PGR: variants seen among roughly 807,000 people sequenced by gnomAD.
PGR encodes nuclear receptor subfamily 3 group C member 3.
In PGR, 25 loss-of-function variants were observed where a neutral mutation model predicts 76.1. The observed-to-expected ratio is 0.33, with a 90% CI of 0.24 to 0.46. The LOEUF is 0.46. PGR is among the 20% of genes least tolerant of loss of function. The probability of loss-of-function intolerance (pLI) is 1.00; values close to 1 mark genes in which losing one functional copy is unlikely to be tolerated. For synonymous variants in PGR, 579 were observed against 535.0 expected, an observed-to-expected ratio of 1.08 and a Z score of -1.14; for missense variants, 1,172 against 1,225.3, an observed-to-expected ratio of 0.96 and a Z score of 0.65.
intron 3 of PGR, among the ~76,000 whole-genome samples, chr11:101,090,694 C>G (rs897008578): frequency 6.6e-6 from 1 of 152,210 alleles, no homozygotes; most frequent in Non-Finnish European, 1.5e-5. Context: ...GCACTACTGT[C>G]AACCTAATCA....
At chr11:101,041,396 G>A (rs1859689233) in intron 7 of PGR, among the ~76,000 whole-genome samples, 1 of 152,014 alleles carries the variant, frequency 6.6e-6, no homozygotes, top group Admixed American at 6.6e-5. Context: ...CTGGTGTTGG[G>A]CATTTCTTGT....
chr11:101,129,694 A>G lies in PGR; in HGVS notation c.-624T>C. 1 of 181,248 alleles carries G rather than the reference A, an allele frequency of 5.5e-6. No individual in the cohort carries two copies. The highest frequency in any genetic ancestry group is 1.2e-5 in the Non-Finnish European group (1 of 84,896). 11.2% of individuals were successfully genotyped at this position (181,248 alleles called of 1,614,324 possible). On this transcript the variant is annotated 5_prime_UTR_variant, in exon 1 of 8. Coordinates refer to ENST00000325455, the MANE Select transcript of PGR (RefSeq NM_000926.4). Reference sequence around the variant, plus strand: ...TCTCAGATCCCAGTAGTGCGGGAGCACTAGCCGCCTCGGGTTGTAGATTTC... The same window carrying G: ...TCTCAGATCCCAGTAGTGCGGGAGCGCTAGCCGCCTCGGGTTGTAGATTTC...
intron 1 of PGR, 61 bp downstream of exon 1, chr11:101,127,373 C>T (rs952605289): frequency 1.6e-5 from 21 of 1,318,094 alleles, no homozygotes; most frequent in Non-Finnish European, 1.8e-5. Flanking sequence ...TTGGCGGCCG[C>T]CGCCGCCAAC....
At chr11:101,106,271 A>G (rs980454178) in intron 2 of PGR, among the ~76,000 whole-genome samples, 6 of 152,224 alleles carry the variant, frequency 3.9e-5, no homozygotes, top group African/African-American at 1.4e-4. Flanking sequence ...AAAAGAAACT[A>G]TCATCAGAGG....
intron 2 of PGR, among the ~76,000 whole-genome samples, chr11:101,093,155 T>G (rs1002706734): frequency 7.2e-5 from 11 of 152,200 alleles, no homozygotes; most frequent in African/African-American, 2.7e-4. Flanking sequence ...TACACTCACA[T>G]AGTGTTCATC....
intron 2 of PGR, among the ~76,000 whole-genome samples, chr11:101,102,549 G>C (rs1457919844): frequency 6.6e-6 from 1 of 152,164 alleles, no homozygotes; most frequent in African/African-American, 2.4e-5. Context: ...GGAATGAAGA[G>C]TGACTATCTA....
In PGR at chr11:101,109,445, T is replaced by G. The variant is rs1862275436; in HGVS notation, c.1789+16562A>C. On this transcript the variant is annotated intron_variant, in intron 2 of 7. Transcript: ENST00000325455. ...GCAAAAAAACAAAACAAAAAAAGCC[T>G]TATAGCTGATATGGAGAAACGCTTA... Among the ~76,000 whole-genome samples the G allele has an allele frequency of 2.6e-5, 4 of 152,238 alleles. No homozygotes were observed. The South Asian group carries it at 8.3e-4, about 32-fold the overall frequency.
At position 101,035,116 on chromosome 11, in the gene PGR, A is replaced by G. The variant is rs1859465112; in HGVS notation, c.*4000T>C. 2 of 209,926 alleles carry G rather than the reference A, an allele frequency of 9.5e-6. No individual in the cohort carries two copies. The highest frequency in any genetic ancestry group is 9.7e-6 in the Non-Finnish European group (1 of 103,338). 13.0% of individuals were successfully genotyped at this position (209,926 alleles called of 1,614,324 possible). A position where few individuals can be genotyped will look rare whatever the true frequency, so the allele number is the denominator to read the frequency against. On this transcript the variant is annotated 3_prime_UTR_variant, in exon 8 of 8. Coordinates refer to ENST00000325455, the MANE Select transcript of PGR (RefSeq NM_000926.4). ...TTCCCACATCCAATGGCTATTGAAC[A>G]GGCATACTTTGGGAAAAACAAACTT...
chr11:101,065,015 T>C (rs1438180196), intron 3 of PGR, among the ~76,000 whole-genome samples: 1 of 152,196 alleles, frequency 6.6e-6, no homozygotes, highest in East Asian at 1.9e-4. Flanking sequence ...GGCTATACCA[T>C]CTAAGTCTGC....
At chr11:101,118,607 A>T (rs1160501250) in intron 2 of PGR, among the ~76,000 whole-genome samples, 1 of 152,194 alleles carries the variant, frequency 6.6e-6, no homozygotes, top group Non-Finnish European at 1.5e-5. Flanking sequence ...TAAAGCTCAA[A>T]ACCTGTTAAT....
chr11:101,074,825 A>G (rs1163085308), intron 3 of PGR, among the ~76,000 whole-genome samples: 1 of 151,988 alleles, frequency 6.6e-6, no homozygotes, highest in Non-Finnish European at 1.5e-5. Context: ...AGGAAATCAG[A>G]GAGGACACAA....
At position 101,084,768 on chromosome 11, in the gene PGR, A is replaced by G. The variant is rs370676055; in HGVS notation, c.1906+6992T>C. On this transcript the variant is annotated intron_variant, in intron 3 of 7. Transcript: ENST00000325455. ...GTAATGACAACCATAGGCTCAAAGT[A>G]AAGGGTTGGAGAAAGATGTAGCATG... is the stretch of plus-strand genomic sequence containing the variant. 2.0e-5 allele frequency among the ~76,000 whole-genome samples: 3 copies of G among 152,198 alleles called. No individual in the cohort carries two copies. The East Asian group carries it at 5.8e-4, about 29-fold the overall frequency.
intron 6 of PGR, among the ~76,000 whole-genome samples, chr11:101,048,316 G>C (rs1399171808): frequency 1.3e-5 from 2 of 152,162 alleles, no homozygotes; most frequent in South Asian, 2.1e-4. Flanking sequence ...TGGTGGTAGA[G>C]GAGAGTATGG....
chr11:101,065,522 GC>G (rs1295536198), intron 3 of PGR, among the ~76,000 whole-genome samples: 21 of 152,074 alleles, frequency 1.4e-4, no homozygotes, highest in African/African-American at 5.1e-4. Context: ...TAAGACAATG[GC>G]AAAAAGTACT....
intron 3 of PGR, among the ~76,000 whole-genome samples, chr11:101,084,614 C>T (rs556175972): frequency 2.6e-3 from 225 of 88,218 alleles, no homozygotes; most frequent in African/African-American, 5.6e-3. Context: ...GCTGAGATTG[C>T]GCCACTGCAC....
intron 2 of PGR, among the ~76,000 whole-genome samples, chr11:101,114,021 A>C (rs1395340650): frequency 6.6e-6 from 1 of 152,208 alleles, no homozygotes; most frequent in Non-Finnish European, 1.5e-5. Flanking sequence ...CTCTGCTTAA[A>C]GAAGATAAAC....
intron 4 of PGR, among the ~76,000 whole-genome samples, chr11:101,053,048 G>C (rs947031243): frequency 1.3e-5 from 2 of 152,120 alleles, no homozygotes; most frequent in Non-Finnish European, 2.9e-5. Flanking sequence ...TTGTATCTGA[G>C]TATAACTGAA....
intron 6 of PGR, among the ~76,000 whole-genome samples, chr11:101,048,447 A>G (rs1859967158): frequency 6.6e-6 from 1 of 152,106 alleles, no homozygotes; most frequent in African/African-American, 2.4e-5. Flanking sequence ...ACTCACACAA[A>G]CCTAGATGGT....
Position 101,038,708 on chromosome 11 carries a change from AT to A in PGR, c.*407del. 1 of 233,020 alleles carries A rather than the reference AT, an allele frequency of 4.3e-6. No individual in the cohort carries two copies. Among genetic ancestry groups the A allele is most frequent in the Non-Finnish European group, 8.5e-6 (1 of 118,044 alleles). 14.4% of individuals were successfully genotyped at this position (233,020 alleles called of 1,614,324 possible). A position where few individuals can be genotyped will look rare whatever the true frequency, so the allele number is the denominator to read the frequency against. On this transcript the variant is annotated 3_prime_UTR_variant, in exon 8 of 8. Transcript: ENST00000325455. ...TTAAAGGTTCATTTTTGGAAATATAATTGACACAAAGGGAGTTACCTAGAAA... is the reference window on the plus strand; with the variant it reads ...TTAAAGGTTCATTTTTGGAAATATAATGACACAAAGGGAGTTACCTAGAAA...
Sources: gnomAD v4.1 joint callset for allele counts (sites outside exome capture counted in the v4.1 genomes callset) on GRCh38, gnomAD v4.1.1 for gene constraint, MANE v1.5 for transcripts, NCBI Gene and HGNC (gene_info 2026-07-23, HGNC 2026-07-21) for gene names.